Variants in KLF12 observed in about 807,000 individuals in gnomAD.
KLF12 encodes KLF transcription factor 12, also known as Krueppel-like factor 12.
Under a neutral mutation model 37.8 loss-of-function variants are expected in KLF12, and 9 were observed. The ratio of observed to expected loss-of-function variants is 0.24; its 90% confidence interval spans 0.14 to 0.42. The LOEUF (loss-of-function observed/expected upper bound fraction) is 0.42. KLF12 is among the 10% of genes least tolerant of loss of function. The pLI, the probability that KLF12 is intolerant of heterozygous loss-of-function variation, is 1.00. For synonymous variants in KLF12, 208 were observed against 202.1 expected, an observed-to-expected ratio of 1.03 and a Z score of -0.25; for missense variants, 411 against 516.0, an observed-to-expected ratio of 0.80 and a Z score of 1.97.
At chr13:74,048,247 T>C (rs968789375) in intron 1 of KLF12, among the ~76,000 whole-genome samples, 1 of 152,228 alleles carries the variant, frequency 6.6e-6, no homozygotes, top group Non-Finnish European at 1.5e-5. Flanking sequence ...GAGGCTGGAA[T>C]ACGTCATCTT....
At chr13:73,892,474 T>A (rs544091269) in intron 3 of KLF12, among the ~76,000 whole-genome samples, 1 of 152,284 alleles carries the variant, frequency 6.6e-6, no homozygotes, top group South Asian at 2.1e-4. Context: ...TTACCACCAC[T>A]AAGACTTTAT....
chr13:73,714,788 G>A (rs912215207), intron 7 of KLF12, among the ~76,000 whole-genome samples: 1 of 152,106 alleles, frequency 6.6e-6, no homozygotes, highest in African/African-American at 2.4e-5. Flanking sequence ...CAGTGGCAAA[G>A]GCAGTGAGTC....
At chr13:74,256,539 A>G in the KLF12 span, among the ~76,000 whole-genome samples, 1 of 152,218 alleles carries the variant, frequency 6.6e-6, no homozygotes, top group Non-Finnish European at 1.5e-5. Context: ...TAGGTAAGTT[A>G]CAGTGGGTGG....
At chr13:73,860,139 T>A (rs1471477515) in intron 3 of KLF12, among the ~76,000 whole-genome samples, 3 of 152,148 alleles carry the variant, frequency 2.0e-5, no homozygotes, top group Non-Finnish European at 2.9e-5. Context: ...CTCTCTTCAG[T>A]TTCTGATTGA....
At chr13:73,930,860 ATTTTTTTTTTT>A (rs11432866) in intron 3 of KLF12, among the ~76,000 whole-genome samples, 1 of 109,468 alleles carries the variant, frequency 9.1e-6, no homozygotes, top group East Asian at 2.7e-4. Context: ...AACTGGAAAC[ATTTTTTTTTTT>A]TTTTTTTTTT....
chr13:74,209,094 T>C, the KLF12 span, among the ~76,000 whole-genome samples: 243 of 152,142 alleles, frequency 1.6e-3, 1 homozygote, highest in Non-Finnish European at 2.8e-3. Flanking sequence ...GTCTCGACAC[T>C]TGAAGAACTT....
At chr13:73,924,454 T>C (rs1410892364) in intron 3 of KLF12, among the ~76,000 whole-genome samples, 1 of 152,212 alleles carries the variant, frequency 6.6e-6, no homozygotes, top group Non-Finnish European at 1.5e-5. Flanking sequence ...TGATCTTTGA[T>C]GTAACTACAG....
the KLF12 span, among the ~76,000 whole-genome samples, chr13:74,276,791 C>T: frequency 6.6e-6 from 1 of 152,190 alleles, no homozygotes; most frequent in African/African-American, 2.4e-5. Flanking sequence ...GTTCTCTTCT[C>T]CATACTTGAA....
chr13:73,909,686 A>C (rs1162365621), intron 3 of KLF12, among the ~76,000 whole-genome samples: 1 of 152,178 alleles, frequency 6.6e-6, no homozygotes, highest in East Asian at 1.9e-4. Flanking sequence ...ATCAATCTAC[A>C]TATACCAGGC....
the KLF12 span, chr13:74,258,515 G>A: frequency 6.6e-6 from 1 of 152,198 alleles, no homozygotes; most frequent in Non-Finnish European, 1.5e-5. Flanking sequence ...ACTCAATAAT[G>A]TAAAACACTA....
intron 3 of KLF12, among the ~76,000 whole-genome samples, chr13:73,934,795 TA>T (rs1453981206): frequency 1.3e-5 from 2 of 151,978 alleles, no homozygotes; most frequent in Non-Finnish European, 2.9e-5. Flanking sequence ...TTTCTTCAAA[TA>T]TTTTTTTCTG....
the KLF12 span, among the ~76,000 whole-genome samples, chr13:74,160,862 G>T: frequency 6.6e-6 from 1 of 151,948 alleles, no homozygotes; most frequent in African/African-American, 2.4e-5. Flanking sequence ...TTGTTTTGTG[G>T]GAATTAAAAA....
At chr13:73,998,236 T>C (rs1286011805) in intron 1 of KLF12, among the ~76,000 whole-genome samples, 1 of 152,200 alleles carries the variant, frequency 6.6e-6, no homozygotes, top group Non-Finnish European at 1.5e-5. Context: ...CCAGATTGCT[T>C]GCTCTTCATC....
the KLF12 span, among the ~76,000 whole-genome samples, chr13:74,143,464 C>T: frequency 6.6e-6 from 1 of 152,152 alleles, no homozygotes; most frequent in Admixed American, 6.6e-5. Flanking sequence ...AAACCAACAG[C>T]TATTAAGCAT....
intron 1 of KLF12, among the ~76,000 whole-genome samples, chr13:74,086,527 T>C (rs1351921251): frequency 1.3e-5 from 2 of 152,112 alleles, no homozygotes; most frequent in East Asian, 3.9e-4. Context: ...TTGTTGGACA[T>C]TTGGGTTGGA....
At chr13:74,188,542 G>A in the KLF12 span, among the ~76,000 whole-genome samples, 1 of 151,962 alleles carries the variant, frequency 6.6e-6, no homozygotes, top group Non-Finnish European at 1.5e-5. Context: ...CTCAATTATT[G>A]TACCTGGCAA....
At chr13:74,190,512 A>G in the KLF12 span, among the ~76,000 whole-genome samples, 1 of 152,184 alleles carries the variant, frequency 6.6e-6, no homozygotes, top group East Asian at 1.9e-4. Flanking sequence ...GTTTCTGAGC[A>G]TTATGCCCTG....
intron 3 of KLF12, among the ~76,000 whole-genome samples, 174 bp downstream of exon 3, chr13:73,943,807 A>G (rs1890297805): frequency 6.6e-6 from 1 of 152,216 alleles, no homozygotes; most frequent in Non-Finnish European, 1.5e-5. Flanking sequence ...TAATAGTTGA[A>G]GTTGCAAATG....
chr13:74,202,412 C>T, the KLF12 span, among the ~76,000 whole-genome samples: 4 of 152,210 alleles, frequency 2.6e-5, no homozygotes, highest in African/African-American at 9.6e-5. Flanking sequence ...CAAACTCACA[C>T]CCCCTCTGAG....
Sources: allele counts gnomAD v4.1 joint callset (sites outside exome capture counted in the v4.1 genomes callset), GRCh38; gene constraint gnomAD v4.1.1; transcripts MANE v1.5; gene names NCBI Gene and HGNC (gene_info 2026-07-23, HGNC 2026-07-21).